ESCO1: variants seen among roughly 807,000 people sequenced by gnomAD.
ESCO1 encodes establishment of sister chromatid cohesion N-acetyltransferase 1.
A neutral mutation model predicts 83.5 loss-of-function variants in ESCO1; 33 were observed. The observed-to-expected ratio is 0.40, with a 90% confidence interval of 0.30 to 0.53. The LOEUF (loss-of-function observed/expected upper bound fraction) is 0.53, where lower values mean the gene tolerates loss of function less well. ESCO1 is among the 20% of genes least tolerant of loss of function. The pLI is 0.63. For synonymous variants in ESCO1, 332 were observed against 324.3 expected (o/e 1.02, Z -0.25); for missense variants, 855 against 968.0 (o/e 0.88, Z 1.55).
At chr18:21,558,691 C>CA (rs2038143714) in intron 8 of ESCO1, among the ~76,000 whole-genome samples, 1 of 143,514 alleles carries the variant, frequency 7.0e-6, no homozygotes, top group African/African-American at 2.6e-5. Context: ...TGCACCACTG[C>CA]ACTCCAGCCT....
At chr18:21,576,237 T>G (rs1225181224) in intron 2 of ESCO1, among the ~76,000 whole-genome samples, 1 of 152,108 alleles carries the variant, frequency 6.6e-6, no homozygotes, top group African/African-American at 2.4e-5. Context: ...GACCCAGTTG[T>G]GGTGGCTCAC....
At chr18:21,553,095 A>G (rs147054191) in intron 8 of ESCO1, among the ~76,000 whole-genome samples, 1 of 152,264 alleles carries the variant, frequency 6.6e-6, no homozygotes, top group East Asian at 1.9e-4. Context: ...TTTGTGACCA[A>G]GCTGGGCAAT....
At chr18:21,594,974 T>C (rs35232444) in intron 1 of ESCO1, among the ~76,000 whole-genome samples, 1 of 150,646 alleles carries the variant, frequency 6.6e-6, no homozygotes, top group Admixed American at 6.6e-5. Context: ...TGTATCTTTT[T>C]TATATATGAA....
intron 4 of ESCO1, among the ~76,000 whole-genome samples, chr18:21,571,627 GGAAT>G (rs2038342939): frequency 6.6e-6 from 1 of 152,164 alleles, no homozygotes; most frequent in Non-Finnish European, 1.5e-5. Context: ...TTAGTACAAA[GGAAT>G]GAATTAGATT....
At chr18:21,550,682 T>C (rs781559705) in intron 8 of ESCO1, among the ~76,000 whole-genome samples, 43 of 152,148 alleles carry the variant, frequency 2.8e-4, no homozygotes, top group Admixed American at 2.3e-3. Flanking sequence ...CAGCCAAAAT[T>C]AAACAAAGCC....
intron 9 of ESCO1, among the ~76,000 whole-genome samples, chr18:21,539,142 ATAAGAT>A (rs1568092273): frequency 6.6e-6 from 1 of 152,114 alleles, no homozygotes; most frequent in African/African-American, 2.4e-5. Flanking sequence ...TAAAAATATT[ATAAGAT>A]TAAGTCATGT....
chr18:21,584,738 G>A (rs2038550309), intron 1 of ESCO1, among the ~76,000 whole-genome samples: 2 of 152,064 alleles, frequency 1.3e-5, no homozygotes, highest in South Asian at 4.1e-4. Flanking sequence ...CGTATCACCT[G>A]AGCCCAAGGA....
intron 10 of ESCO1, among the ~76,000 whole-genome samples, chr18:21,533,792 A>G (rs2037798001): frequency 6.6e-6 from 1 of 152,222 alleles, no homozygotes; most frequent in Non-Finnish European, 1.5e-5. Flanking sequence ...AATTTATATC[A>G]AATTAATTTC....
At chr18:21,557,189 C>T (rs2038124430) in intron 8 of ESCO1, among the ~76,000 whole-genome samples, 1 of 152,084 alleles carries the variant, frequency 6.6e-6, no homozygotes, top group Admixed American at 6.6e-5. Context: ...TCAAAATATT[C>T]GAGATTCTTC....
chr18:21,532,443 A>C, intron 11 of ESCO1, 30 bp downstream of exon 11: 2 of 1,587,770 alleles, frequency 1.3e-6, no homozygotes, highest in Non-Finnish European at 1.7e-6. Flanking sequence ...AAACTACTAA[A>C]AATGATTTGA....
intron 1 of ESCO1, among the ~76,000 whole-genome samples, chr18:21,586,009 C>T (rs2038570806): frequency 6.6e-6 from 1 of 152,190 alleles, no homozygotes; most frequent in African/African-American, 2.4e-5. Context: ...TGGGATAATT[C>T]ATCACCTCAA....
chr18:21,572,702 C>G (rs984164587), intron 4 of ESCO1, among the ~76,000 whole-genome samples: 1 of 152,040 alleles, frequency 6.6e-6, no homozygotes, highest in Non-Finnish European at 1.5e-5. Flanking sequence ...CAGTGGCTCA[C>G]GCCTGTAATC....
At chr18:21,594,925 CTGTGTGTGTGTGTGTGTGTGTG>C (rs35336026) in intron 1 of ESCO1, among the ~76,000 whole-genome samples, 1 of 143,694 alleles carries the variant, frequency 7.0e-6, no homozygotes, top group Non-Finnish European at 1.5e-5. Flanking sequence ...TCTACAACTA[CTGTGTGTGTGTGTGTGTGTGTG>C]TGTGTGTGTG....
intron 8 of ESCO1, among the ~76,000 whole-genome samples, chr18:21,553,689 C>G (rs2038075236): frequency 6.6e-6 from 1 of 151,652 alleles, no homozygotes; most frequent in Non-Finnish European, 1.5e-5. Context: ...GAAACCCTGT[C>G]TCTACTAAAA....
chr18:21,598,127 G>A (rs1242896957), intron 1 of ESCO1, among the ~76,000 whole-genome samples: 1 of 152,066 alleles, frequency 6.6e-6, no homozygotes, highest in Admixed American at 6.6e-5. Context: ...TTCAATAGAA[G>A]GTATTCCAAG....
chr18:21,567,837 A>C, intron 5 of ESCO1, 143 bp downstream of exon 5: 1 of 595,848 alleles, frequency 1.7e-6, no homozygotes, highest in Non-Finnish European at 2.9e-6. Flanking sequence ...CATGGGTGAT[A>C]GTCATGATAA....
intron 8 of ESCO1, among the ~76,000 whole-genome samples, chr18:21,540,376 A>T (rs1409026256): frequency 6.6e-6 from 1 of 152,220 alleles, no homozygotes; most frequent in Non-Finnish European, 1.5e-5. Context: ...TGATAAAAGA[A>T]TTAAACTCTT....
At chr18:21,530,906 A>C (rs1477449671) in intron 11 of ESCO1, among the ~76,000 whole-genome samples, 1 of 152,184 alleles carries the variant, frequency 6.6e-6, no homozygotes, top group African/African-American at 2.4e-5. Context: ...GAGGAAAAGA[A>C]ATAAAAATCA....
chr18:21,538,367 C>T (rs1264809434), intron 9 of ESCO1, among the ~76,000 whole-genome samples: 1 of 151,432 alleles, frequency 6.6e-6, no homozygotes, highest in African/African-American at 2.4e-5. Flanking sequence ...CTACACTGTT[C>T]GTGGGTCAGC....
Sources: gnomAD v4.1 joint callset for allele counts (sites outside exome capture counted in the v4.1 genomes callset) on GRCh38, gnomAD v4.1.1 for gene constraint, MANE v1.5 for transcripts, NCBI Gene and HGNC (gene_info 2026-07-23, HGNC 2026-07-21) for gene names.